RNF220: variants seen among roughly 807,000 people sequenced by gnomAD.
The protein encoded by RNF220 is ring finger protein 220.
Under a neutral mutation model 67.1 loss-of-function variants are expected in RNF220, and 7 were observed. That is an observed-to-expected ratio of 0.10 (90% CI 0.06 to 0.20). RNF220 has a LOEUF of 0.20. Among genes scored for constraint, RNF220 ranks in the 10% least tolerant of loss-of-function variants. The pLI, the probability that RNF220 is intolerant of heterozygous loss-of-function variation, is 1.00. For synonymous variants in RNF220, 270 were observed against 283.2 expected, an observed-to-expected ratio of 0.95 and a Z score of 0.47; for missense variants, 565 against 740.3, an observed-to-expected ratio of 0.76 and a Z score of 2.75.
At chr1:44,590,371 G>A (rs977896183) in intron 2 of RNF220, among the ~76,000 whole-genome samples, 5 of 152,188 alleles carry the variant, frequency 3.3e-5, no homozygotes, top group African/African-American at 1.2e-4. Context: ...CAAGCTTGTG[G>A]TCCTGTGCTC....
At chr1:44,486,756 G>A (rs992207556) in intron 2 of RNF220, among the ~76,000 whole-genome samples, 1 of 152,146 alleles carries the variant, frequency 6.6e-6, no homozygotes, top group African/African-American at 2.4e-5. Context: ...GACTGCCTGG[G>A]TTCAAATCTT....
intron 2 of RNF220, among the ~76,000 whole-genome samples, chr1:44,594,896 C>T (rs1424196068): frequency 6.6e-6 from 1 of 151,882 alleles, no homozygotes; most frequent in Non-Finnish European, 1.5e-5. Context: ...AGCCCATCTC[C>T]AAAAAAAGAG....
At chr1:44,535,501 T>C (rs1253508909) in intron 2 of RNF220, among the ~76,000 whole-genome samples, 1 of 152,204 alleles carries the variant, frequency 6.6e-6, no homozygotes, top group Non-Finnish European at 1.5e-5. Context: ...CCTTGTTTAC[T>C]ATTAGGGTTC....
At chr1:44,500,532 A>G (rs1657745012) in intron 2 of RNF220, among the ~76,000 whole-genome samples, 1 of 152,210 alleles carries the variant, frequency 6.6e-6, no homozygotes, top group Admixed American at 6.5e-5. Context: ...AAGCGCTGCA[A>G]GGAGAACTTT....
At chr1:44,639,112 T>G (rs11585280) in intron 8 of RNF220, among the ~76,000 whole-genome samples, 1 of 152,236 alleles carries the variant, frequency 6.6e-6, no homozygotes, top group Non-Finnish European at 1.5e-5. Context: ...TTGGGTACCA[T>G]GCCAAACCTG....
At chr1:44,430,140 T>C (rs915031277) in intron 2 of RNF220, among the ~76,000 whole-genome samples, 2 of 151,580 alleles carry the variant, frequency 1.3e-5, no homozygotes, top group African/African-American at 4.8e-5. Flanking sequence ...GCATATAAAA[T>C]GTCAGAGAGA....
At chr1:44,461,951 A>G (rs1232071102) in intron 2 of RNF220, among the ~76,000 whole-genome samples, 3 of 106,326 alleles carry the variant, frequency 2.8e-5, no homozygotes, top group African/African-American at 4.4e-5. Context: ...TTTTTGAGCC[A>G]GAGTCTTGCT....
At chr1:44,577,435 C>G (rs1468157282) in intron 2 of RNF220, among the ~76,000 whole-genome samples, 1 of 152,004 alleles carries the variant, frequency 6.6e-6, no homozygotes, top group Non-Finnish European at 1.5e-5. Flanking sequence ...AGATTCTCAG[C>G]TCTTGACCAC....
intron 2 of RNF220, among the ~76,000 whole-genome samples, chr1:44,484,787 A>G (rs1015145522): frequency 6.6e-6 from 1 of 152,138 alleles, no homozygotes; most frequent in Non-Finnish European, 1.5e-5. Context: ...TTTCTCTCCT[A>G]TGCATCTGGA....
rs116379330 is a variant in RNF220, at chr1:44,632,557, C to T, written c.949+172C>T. 2,102 of 685,268 alleles carry T rather than the reference C, an allele frequency of 3.1e-3. 28 individuals are homozygous for T. The African/African-American group carries it at 0.032, about 10-fold the overall frequency. 42.4% of individuals were successfully genotyped at this position (685,268 alleles called of 1,614,324 possible). On this transcript the variant is annotated intron_variant, in intron 6 of 14. Coordinates refer to ENST00000361799, the MANE Select transcript of RNF220 (RefSeq NM_018150.4). ...CCAAAGCTGCCGCTCTCAGTTTCCC[C>T]GTCTGTCTAATGGAGGTATGGCGCC...
chr1:44,645,753 G>A lies in RNF220; in HGVS notation c.1445+265G>A, dbSNP rs1040987273. On this transcript the variant is annotated intron_variant, in intron 12 of 14. Coordinates refer to ENST00000361799, the MANE Select transcript of RNF220 (RefSeq NM_018150.4). This position sits in a 1 kb window ranked among gnomAD's most constrained non-coding sequence, Gnocchi z 5.0. The stretch of plus-strand genomic sequence containing the variant: ...TGCCTGCCTGCCCGCCTGCTGCGGC[G>A]GCCTTCGCCCGGGGAATGTGATGTA... 6.6e-6 allele frequency among the ~76,000 whole-genome samples: 1 copy of A among 152,250 alleles called. No homozygotes were observed. Among genetic ancestry groups the A allele is most frequent in the African/African-American group, 2.4e-5 (1 of 41,470 alleles).
intron 2 of RNF220, among the ~76,000 whole-genome samples, chr1:44,513,525 G>A (rs1008968508): frequency 1.3e-5 from 2 of 152,178 alleles, no homozygotes; most frequent in Non-Finnish European, 2.9e-5. Context: ...AAGTGATGGA[G>A]CGAAAGTGAG....
chr1:44,502,052 A>AAC (rs56978327), intron 2 of RNF220, among the ~76,000 whole-genome samples: 2,252 of 121,762 alleles, frequency 0.018, 27 homozygotes, highest in South Asian at 0.033. Flanking sequence ...ACACCACTGA[A>AAC]ACACACACAC....
At chr1:44,496,277 CAG>C (rs989965860) in intron 2 of RNF220, among the ~76,000 whole-genome samples, 2 of 151,956 alleles carry the variant, frequency 1.3e-5, no homozygotes, top group African/African-American at 2.4e-5. Context: ...GCTGGGGATA[CAG>C]AGAGTTTTGT....
intron 2 of RNF220, among the ~76,000 whole-genome samples, chr1:44,413,320 T>C (rs1309776388): frequency 6.6e-6 from 1 of 152,204 alleles, no homozygotes; most frequent in Non-Finnish European, 1.5e-5. Context: ...CCGACTTCTC[T>C]TGGGATTTCA....
chr1:44,449,290 A>G (rs1652423382), intron 2 of RNF220, among the ~76,000 whole-genome samples: 1 of 152,244 alleles, frequency 6.6e-6, no homozygotes. Context: ...GTCAGTAATC[A>G]TTAAATGTTA....
rs372505879 is a variant in RNF220, at chr1:44,635,173, G to A, written c.950-372G>A. On this transcript the variant is annotated intron_variant, in intron 6 of 14. Coordinates refer to ENST00000361799, the MANE Select transcript of RNF220 (RefSeq NM_018150.4). ...TAGTCAAGAGATGCTCTTTAGAGTT[G>A]TATTTCCTGACACCAAAAGAGTTCA... 26 of 197,184 alleles carry A rather than the reference G, an allele frequency of 1.3e-4. No individual in the cohort carries two copies. In the East Asian group the frequency reaches 2.7e-3, roughly 20 times the overall value. 12.2% of individuals were successfully genotyped at this position (197,184 alleles called of 1,614,324 possible).
intron 2 of RNF220, among the ~76,000 whole-genome samples, chr1:44,465,366 T>C (rs758715608): frequency 4.0e-5 from 6 of 150,428 alleles, no homozygotes; most frequent in Non-Finnish European, 5.9e-5. Context: ...TTAATGGCCA[T>C]AAATATATTA....
At chr1:44,438,986 A>G (rs1015715016) in intron 2 of RNF220, among the ~76,000 whole-genome samples, 4 of 152,224 alleles carry the variant, frequency 2.6e-5, no homozygotes, top group Non-Finnish European at 5.9e-5. Context: ...GGGATGCATT[A>G]CATTTTATTT....
Sources: allele counts gnomAD v4.1 joint callset (sites outside exome capture counted in the v4.1 genomes callset), GRCh38; gene constraint gnomAD v4.1.1; non-coding constraint Gnocchi (gnomAD v3.1); transcripts MANE v1.5; gene names NCBI Gene and HGNC (gene_info 2026-07-23, HGNC 2026-07-21).